The following C5orf22 variants were observed in gnomAD, a reference collection of about 807,000 sequenced individuals.
The protein encoded by C5orf22 is UPF0489 protein C5orf22.
Under a neutral mutation model 48.7 loss-of-function variants are expected in C5orf22, and 36 were observed. The observed-to-expected ratio is 0.74, with a 90% CI of 0.57 to 0.98. The LOEUF (loss-of-function observed/expected upper bound fraction) is 0.98, where lower values mean the gene tolerates loss of function less well. Ranked by LOEUF, C5orf22 falls within the 50% of genes least tolerant of loss-of-function variation. C5orf22 has a pLI of 0.00. For missense variants in C5orf22, 486 were observed against 521.9 expected (o/e 0.93, Z 0.67); for synonymous variants, 141 against 180.8 (o/e 0.78, Z 1.76).
intron 3 of C5orf22, 98 bp downstream of exon 3, chr5:31,535,991 G>A: frequency 8.3e-7 from 1 of 1,211,938 alleles, no homozygotes; most frequent in Non-Finnish European, 1.2e-6. Context: ...CACAAATAGG[G>A]TCAGATTAAG....
intron 6 of C5orf22, 57 bp from the exon 7 acceptor site, chr5:31,545,589 T>G (rs2150077840): frequency 8.4e-7 from 1 of 1,194,624 alleles, no homozygotes. Flanking sequence ...AATTTGCTAT[T>G]ATCATTTTAG....
chr5:31,553,163 T>C lies in C5orf22; in HGVS notation c.*261T>C, dbSNP rs1561333724. 3.7e-6 allele frequency: 1 copy of C among 272,834 alleles called. No individual in the cohort carries two copies. Among genetic ancestry groups the C allele is most frequent in the African/African-American group, 2.2e-5 (1 of 45,026 alleles). 16.9% of individuals were successfully genotyped at this position (272,834 alleles called of 1,614,324 possible). A position where few individuals can be genotyped will look rare whatever the true frequency, so the allele number is the denominator to read the frequency against. ...ATTTTTTAGGGTTTTGTTTTTTTTT[T>C]TGTTTGTTTGTTTGTTTGTCTTCAC... On this transcript the variant is annotated 3_prime_UTR_variant, in exon 9 of 9. Transcript: ENST00000325366.
chr5:31,533,315 G>T (rs1359678990), intron 1 of C5orf22, among the ~76,000 whole-genome samples: 4 of 152,146 alleles, frequency 2.6e-5, no homozygotes, highest in Non-Finnish European at 5.9e-5. Flanking sequence ...ACACTAAAAG[G>T]GGTTTCCATG....
At chr5:31,552,019 T>C (rs1276223143) in intron 8 of C5orf22, among the ~76,000 whole-genome samples, 1 of 152,230 alleles carries the variant, frequency 6.6e-6, no homozygotes, top group Non-Finnish European at 1.5e-5. Flanking sequence ...CCAGTTCTTC[T>C]ATAAAGATTT....
intron 7 of C5orf22, among the ~76,000 whole-genome samples, chr5:31,549,970 T>C (rs1344066974): frequency 6.6e-6 from 1 of 152,176 alleles, no homozygotes; most frequent in Non-Finnish European, 1.5e-5. Context: ...CTGGGTTTTT[T>C]TCGTTGGGTG....
chr5:31,534,369 CTG>C lies in C5orf22; in HGVS notation c.182_183del (p.Val61GlufsTer9). ...GACTCACATCCAGACCTCCTTATTC[CTG>C]TGAATATGCCAGCAGACACCGTGTT... On this transcript the variant is annotated frameshift_variant, in exon 2 of 9. Transcript: ENST00000325366. LOFTEE classifies it high-confidence loss of function. 4.3e-6 allele frequency: 7 copies of C among 1,613,768 alleles called. No homozygotes were observed. The highest frequency in any genetic ancestry group is 5.9e-6 in the Non-Finnish European group (7 of 1,179,816).
Position 31,554,628 on chromosome 5 carries a change from G to A in C5orf22, c.*1726G>A, listed in dbSNP as rs555280853. On this transcript the variant is annotated 3_prime_UTR_variant, in exon 9 of 9. Transcript: ENST00000325366. ...GACATTACTTTTATGATTATTTTGC[G>A]TGCTAAATAAGTTAAAGGGTATGTT... The A allele has an allele frequency of 1.2e-4, 18 of 151,900 alleles. No homozygotes were observed. Among genetic ancestry groups the A allele is most frequent in the East Asian group, 3.9e-4 (2 of 5,188 alleles). The allele number at this position is 151,900 out of a possible 1,614,324, so 9.4% of individuals were successfully genotyped here. A position where few individuals can be genotyped will look rare whatever the true frequency, so the allele number is the denominator to read the frequency against.
intron 7 of C5orf22, among the ~76,000 whole-genome samples, chr5:31,546,932 C>T (rs145026477): frequency 2.0e-5 from 3 of 152,312 alleles, no homozygotes; most frequent in Non-Finnish European, 2.9e-5. Context: ...TCCTGCCTTC[C>T]CAACAGTCCC....
Position 31,541,741 on chromosome 5 carries a change from C to T in C5orf22, c.992+339C>T, listed in dbSNP as rs557760720. 4.6e-5 allele frequency among the ~76,000 whole-genome samples: 7 copies of T among 152,190 alleles called. No homozygotes were observed. The East Asian group carries it at 1.4e-3, about 29-fold the overall frequency. On this transcript the variant is annotated intron_variant, in intron 6 of 8. Coordinates refer to ENST00000325366, the MANE Select transcript of C5orf22 (RefSeq NM_018356.3). ...TGGGCTGTGATCATGCCACTGCACT[C>T]TACCCTGGGTGACAGAGACTTGTCT...
At chr5:31,541,552 T>C in intron 6 of C5orf22, 150 bp downstream of exon 6, 1 of 745,550 alleles carries the variant, frequency 1.3e-6, no homozygotes. Context: ...GGCCAGGAGT[T>C]CCAGACCAGC....
intron 3 of C5orf22, 188 bp from the exon 4 acceptor site, chr5:31,538,072 T>C (rs902609982): frequency 3.7e-6 from 2 of 534,642 alleles, no homozygotes; most frequent in Non-Finnish European, 6.7e-6. Flanking sequence ...AGTCTTTATA[T>C]GGGGCAGCTG....
chr5:31,546,698 GT>G (rs2150078520), intron 7 of C5orf22, among the ~76,000 whole-genome samples: 1 of 152,250 alleles, frequency 6.6e-6, no homozygotes, highest in African/African-American at 2.4e-5. Context: ...GGAGACTTTT[GT>G]TTTTAAAACT....
rs147146477 is a variant in C5orf22 at position 31,552,819 on chromosome 5, C to G, written c.1246C>G (p.Gln416Glu). Residue 416 changes from glutamine to glutamate, a missense_variant, in exon 9 of 9, where the codon CAA becomes GAA. By Grantham distance (29) the Gln-to-Glu change is conservative. Around this residue, in one of 3 missense-constraint regions of C5orf22, gnomAD observed 408 missense variants for 444.0 expected, o/e 0.92. Transcript: ENST00000325366. Reference sequence around the variant, plus strand: ...TCCTTCTGACCAAGTTGACACTATTCAAGAAAAGGTCCTCAATATGCTACG... The same window carrying G: ...TCCTTCTGACCAAGTTGACACTATTGAAGAAAAGGTCCTCAATATGCTACG... ...YCPSDQVDTI[Q>E]EKVLNMLRAL... The G allele has an allele frequency of 1.3e-5, 21 of 1,613,524 alleles. No homozygotes were observed. In the African/African-American group the frequency reaches 2.8e-4, roughly 22 times the overall value.
rs894680236 is a variant in C5orf22 at position 31,532,310 on chromosome 5, G to A, written c.-83G>A. On this transcript the variant is annotated 5_prime_UTR_variant, in exon 1 of 9. Coordinates refer to ENST00000325366, the MANE Select transcript of C5orf22 (RefSeq NM_018356.3). ...GTGAGGGAGCGCTTCCGCCCGGAGA[G>A]AGCTGGCCGGGATGAGGCGCCGGCT... is the stretch of plus-strand genomic sequence containing the variant. 2 of 1,426,348 alleles carry A rather than the reference G, an allele frequency of 1.4e-6. No individual in the cohort carries two copies. The highest frequency in any genetic ancestry group is 2.0e-6 in the Non-Finnish European group (2 of 1,012,160). 88.4% of individuals were successfully genotyped at this position (1,426,348 alleles called of 1,614,324 possible).
At chr5:31,547,147 A>G (rs1217360118) in intron 7 of C5orf22, among the ~76,000 whole-genome samples, 2 of 152,240 alleles carry the variant, frequency 1.3e-5, no homozygotes, top group African/African-American at 4.8e-5. Flanking sequence ...GCAAGTCTGA[A>G]GTCCATCAGG....
rs1415840017 is a variant in C5orf22 at position 31,534,326 on chromosome 5, G to A, written c.136G>A (p.Val46Ile). The A allele has an allele frequency of 6.2e-7, 1 of 1,613,792 alleles. No individual in the cohort carries two copies. Among genetic ancestry groups the A allele is most frequent in the Non-Finnish European group, 8.5e-7 (1 of 1,179,836 alleles). Residue 46 changes from valine to isoleucine, a missense_variant, in exon 2 of 9, where the codon GTA becomes ATA. Transcript: ENST00000325366. ...IGSKHLPASNVSFLHFDSHPD... is the reference protein window; with the variant it reads ...IGSKHLPASNISFLHFDSHPD... ...CTCAAAGCATCTTCCTGCCAGTAATGTAAGTTTTTTACATTTCGACTCACA... is the reference window on the plus strand; with the variant it reads ...CTCAAAGCATCTTCCTGCCAGTAATATAAGTTTTTTACATTTCGACTCACA...
intron 6 of C5orf22, among the ~76,000 whole-genome samples, chr5:31,542,680 A>C (rs1447196729): frequency 6.6e-6 from 1 of 152,224 alleles, no homozygotes; most frequent in Non-Finnish European, 1.5e-5. Flanking sequence ...GAGTGAAAGA[A>C]TATTGACATA....
intron 6 of C5orf22, among the ~76,000 whole-genome samples, chr5:31,544,946 A>C (rs145699820): frequency 1.5e-3 from 224 of 150,120 alleles, no homozygotes; most frequent in African/African-American, 5.4e-3. Flanking sequence ...AGTAATAATA[A>C]TTGTATATAC....
In C5orf22 at chr5:31,533,508, G is replaced by A. The variant is rs371058883; in HGVS notation, c.82-764G>A. On this transcript the variant is annotated intron_variant, in intron 1 of 8. Coordinates refer to ENST00000325366, the MANE Select transcript of C5orf22 (RefSeq NM_018356.3). ...GATTTACTGTTGGTGACAGCTAATA[G>A]GAGAGGAAGATAGGTTTCTCAGGAC... Among the ~76,000 whole-genome samples the A allele has an allele frequency of 7.9e-5, 12 of 152,260 alleles. No individual in the cohort carries two copies. The South Asian group carries it at 1.5e-3, about 18-fold the overall frequency.
Sources: gnomAD v4.1 joint callset for allele counts (sites outside exome capture counted in the v4.1 genomes callset) on GRCh38, gnomAD v4.1.1 for gene constraint, gnomAD v4.1.1 regional missense constraint, MANE v1.5 for transcripts, NCBI Gene and HGNC (gene_info 2026-07-23, HGNC 2026-07-21) for gene names.